Variants in AUH observed in about 807,000 individuals in gnomAD.
AUH encodes the protein methylglutaconyl-CoA hydratase, mitochondrial.
A neutral mutation model predicts 42.3 loss-of-function variants in AUH; 29 were observed. The ratio of observed to expected loss-of-function variants is 0.69; its 90% CI spans 0.51 to 0.93. The LOEUF (loss-of-function observed/expected upper bound fraction) is 0.93, where lower values mean the gene tolerates loss of function less well. Among genes scored for constraint, AUH ranks in the 40% least tolerant of loss-of-function variants. AUH has a pLI of 0.00. For missense variants in AUH, 452 were observed against 438.1 expected, an observed-to-expected ratio of 1.03 and a Z score of -0.28; for synonymous variants, 174 against 166.4, an observed-to-expected ratio of 1.05 and a Z score of -0.35.
chr9:91,224,307 G>C (rs952329832), intron 6 of AUH, among the ~76,000 whole-genome samples: 5 of 152,158 alleles, frequency 3.3e-5, no homozygotes, highest in Middle Eastern at 3.2e-3. Flanking sequence ...TTTGCGTCTT[G>C]AGTTGTTTCA....
At chr9:91,310,228 A>G (rs1828596338) in intron 4 of AUH, among the ~76,000 whole-genome samples, 1 of 152,294 alleles carries the variant, frequency 6.6e-6, no homozygotes, top group Non-Finnish European at 1.5e-5. Context: ...ATGTCCTAAG[A>G]GCAGCAGGAG....
At chr9:91,223,114 A>G (rs1203467504) in intron 6 of AUH, among the ~76,000 whole-genome samples, 2 of 152,216 alleles carry the variant, frequency 1.3e-5, no homozygotes, top group African/African-American at 4.8e-5. Context: ...GCATAACACA[A>G]CAGATGGCTG....
At chr9:91,234,704 A>C (rs1828078252) in intron 6 of AUH, among the ~76,000 whole-genome samples, 1 of 151,574 alleles carries the variant, frequency 6.6e-6, no homozygotes, top group African/African-American at 2.4e-5. Context: ...CTGAACCCAC[A>C]GTGCTGAGTA....
At chr9:91,264,138 T>C (rs1829846349) in intron 6 of AUH, among the ~76,000 whole-genome samples, 1 of 152,218 alleles carries the variant, frequency 6.6e-6, no homozygotes, top group Non-Finnish European at 1.5e-5. Context: ...ATATGTGTTA[T>C]ATGTGTGTGT....
intron 3 of AUH, among the ~76,000 whole-genome samples, chr9:91,332,386 C>T (rs1262587954): frequency 2.0e-5 from 3 of 152,210 alleles, no homozygotes; most frequent in Middle Eastern, 3.4e-3. Context: ...CCTGTAATCT[C>T]GGCTACTTGG....
chr9:91,321,281 TACTTG>T (rs1315704415), intron 4 of AUH, among the ~76,000 whole-genome samples: 3 of 152,184 alleles, frequency 2.0e-5, no homozygotes, highest in Non-Finnish European at 2.9e-5. Context: ...TAATAGTGAG[TACTTG>T]ACTTATTTCA....
chr9:91,328,522 C>A (rs979505224), intron 3 of AUH, among the ~76,000 whole-genome samples: 2 of 152,120 alleles, frequency 1.3e-5, no homozygotes, highest in Admixed American at 1.3e-4. Context: ...GTATAAAAGC[C>A]GTAGCACGAA....
At chr9:91,316,518 G>A (rs1284283929) in intron 4 of AUH, among the ~76,000 whole-genome samples, 1 of 152,164 alleles carries the variant, frequency 6.6e-6, no homozygotes, top group African/African-American at 2.4e-5. Flanking sequence ...TTCCTGCCTG[G>A]TAATCCACTT....
chr9:91,311,082 TCA>T (rs894303661), intron 4 of AUH, among the ~76,000 whole-genome samples: 1 of 152,202 alleles, frequency 6.6e-6, no homozygotes, highest in African/African-American at 2.4e-5. Flanking sequence ...ATCAGATTTT[TCA>T]CACAGAATTT....
chr9:91,312,531 C>T (rs1362747016), intron 4 of AUH, among the ~76,000 whole-genome samples: 1 of 152,168 alleles, frequency 6.6e-6, no homozygotes, highest in African/African-American at 2.4e-5. Context: ...AGTTCAAGAC[C>T]AGCCTGGCCA....
At chr9:91,278,139 G>A (rs1052421288) in intron 6 of AUH, among the ~76,000 whole-genome samples, 3 of 152,232 alleles carry the variant, frequency 2.0e-5, no homozygotes, top group African/African-American at 7.2e-5. Context: ...GCAACATGCT[G>A]CATGAAGTAA....
chr9:91,291,509 C>T (rs1006110703), intron 6 of AUH, among the ~76,000 whole-genome samples: 1 of 152,236 alleles, frequency 6.6e-6, no homozygotes, highest in African/African-American at 2.4e-5. Context: ...AATTGATCCA[C>T]TGTCTTATAA....
Position 91,245,014 on chromosome 9 carries a change from A to G in AUH, c.656-24022T>C, listed in dbSNP as rs1181446786. ...GATTTCTCTATTTAGCTAGCTCACA[A>G]CTAATTCCTAGACACCCTCTTTGAA... On this transcript the variant is annotated intron_variant, in intron 6 of 9. Transcript: ENST00000375731. Among the ~76,000 whole-genome samples the G allele has an allele frequency of 2.0e-5, 3 of 152,366 alleles. No homozygotes were observed. In the East Asian group the frequency reaches 5.8e-4, roughly 29 times the overall value.
intron 3 of AUH, among the ~76,000 whole-genome samples, chr9:91,336,929 C>T (rs1177197626): frequency 6.6e-6 from 1 of 152,184 alleles, no homozygotes; most frequent in Admixed American, 6.5e-5. Flanking sequence ...GATTTATAAA[C>T]ATCAGTCAGA....
At chr9:91,267,359 A>G (rs118003507) in intron 6 of AUH, among the ~76,000 whole-genome samples, 1,590 of 152,284 alleles carry the variant, frequency 0.01, 23 homozygotes, top group East Asian at 0.059. Context: ...AATGGTTTAA[A>G]CCCTGTCTCC....
At chr9:91,331,539 T>C (rs1235626042) in intron 3 of AUH, among the ~76,000 whole-genome samples, 2 of 152,258 alleles carry the variant, frequency 1.3e-5, no homozygotes, top group South Asian at 2.1e-4. Flanking sequence ...GTATTGCTTT[T>C]GCATTATCTA....
intron 6 of AUH, among the ~76,000 whole-genome samples, chr9:91,278,346 G>A (rs1256776810): frequency 3.9e-5 from 6 of 152,288 alleles, no homozygotes; most frequent in Admixed American, 3.3e-4. Context: ...TTTTACATAC[G>A]TAGTAAAGAA....
At position 91,266,168 on chromosome 9, in the gene AUH, C is replaced by G. The variant is rs539578441; in HGVS notation, c.655+29853G>C. Among the ~76,000 whole-genome samples the G allele has an allele frequency of 4.6e-5, 7 of 152,108 alleles. No homozygotes were observed. The East Asian group carries it at 1.4e-3, about 29-fold the overall frequency. ...ACAAGGTCAGAAGTTTGAGACCAGC[C>G]TGGCCAACATGGTGAAAAGCCGCCT... is the stretch of plus-strand genomic sequence containing the variant. On this transcript the variant is annotated intron_variant, in intron 6 of 9. Transcript: ENST00000375731.
At chr9:91,294,535 A>G in intron 6 of AUH, 1 of 365,698 alleles carries the variant, frequency 2.7e-6, no homozygotes, top group Non-Finnish European at 5.4e-6. Flanking sequence ...CAACAGAGCG[A>G]GACTCCGTCT....
Sources: gnomAD v4.1 joint callset for allele counts (sites outside exome capture counted in the v4.1 genomes callset) on GRCh38, gnomAD v4.1.1 for gene constraint, MANE v1.5 for transcripts, NCBI Gene and HGNC (gene_info 2026-07-23, HGNC 2026-07-21) for gene names.